The following PPM1J variants were observed in gnomAD, a reference collection of about 807,000 sequenced individuals.
PPM1J encodes protein phosphatase 1J.
In PPM1J, 43 loss-of-function variants were observed where a neutral mutation model predicts 53.3. That is an observed-to-expected ratio of 0.81 (90% CI 0.63 to 1.04). The LOEUF is 1.04. Among genes scored for constraint, PPM1J ranks in the 50% least tolerant of loss-of-function variants. The probability of loss-of-function intolerance (pLI) is 0.00; values close to 1 mark genes in which losing one functional copy is unlikely to be tolerated. For missense variants in PPM1J, 635 were observed against 685.9 expected (o/e 0.93, Z 0.83); for synonymous variants, 267 against 286.4 (o/e 0.93, Z 0.68).
intron 3 of PPM1J, 123 bp downstream of exon 3, chr1:112,712,621 G>T: frequency 8.3e-7 from 1 of 1,210,064 alleles, no homozygotes; most frequent in South Asian, 1.4e-5. Context: ...CCTCCCCTCT[G>T]AACCAAGCTC....
At chr1:112,714,510 G>A (rs1675147287) in intron 1 of PPM1J, 10 of 989,132 alleles carry the variant, frequency 1.0e-5, no homozygotes, top group Non-Finnish European at 1.2e-5. Context: ...TGGAGGGGGA[G>A]GGGAACTACG....
rs756960729 is a variant in PPM1J at position 112,712,890 on chromosome 1, G to A, written c.583C>T (p.Pro195Ser). 2 of 1,614,038 alleles carry A rather than the reference G, an allele frequency of 1.2e-6. No homozygotes were observed. The highest frequency in any genetic ancestry group is 1.7e-6 in the Non-Finnish European group (2 of 1,180,040). The change falls in exon 3 of 10, where the codon CCC becomes TCC. Residue 195 changes from proline (P) to serine (S), a missense_variant. Coordinates refer to ENST00000309276, the MANE Select transcript of PPM1J (RefSeq NM_005167.7). ...CCCGGAGTGGTTGGGAGGCAGAGGG[G>A]TGGTGGCGAAGGGTCCTGAAGTATC... ...VEILQDPSPP[P>S]LCLPTTPGTP...
At position 112,712,040 on chromosome 1, in the gene PPM1J, C is replaced by A; in HGVS notation, c.858G>T (p.Arg286=). 1 of 1,610,062 alleles carries A rather than the reference C, an allele frequency of 6.2e-7. No homozygotes were observed. Residue 286 remains arginine, a synonymous_variant, in exon 5 of 10, where the codon CGG becomes CGT. Transcript: ENST00000309276. Reference sequence around the variant, plus strand: ...GGGACATTGGAATGATTTCACCATTCCGGACAATGATGGCCCTGCCCAAAG... The same window carrying A: ...GGGACATTGGAATGATTTCACCATTACGGACAATGATGGCCCTGCCCAAAG... ...NAGDSRAIIV[R]NGEIIPMSRE...
chr1:112,711,908 T>C (rs1675072343), intron 5 of PPM1J, 63 bp downstream of exon 5: 2 of 1,179,378 alleles, frequency 1.7e-6, no homozygotes, highest in East Asian at 2.5e-5. Context: ...CTCAGGGCCA[T>C]GGGGTGCAGG....
At position 112,713,441 on chromosome 1, in the gene PPM1J, C is replaced by T. The variant is rs1215155650; in HGVS notation, c.441+56G>A. On this transcript the variant is annotated intron_variant, in intron 2 of 9. Transcript: ENST00000309276. Reference sequence around the variant, plus strand: ...CATGGCTCAGATTTAAAACCAGAGGCCTGAGTCCCTGGGGAGAGGTGTCAC... The same window carrying T: ...CATGGCTCAGATTTAAAACCAGAGGTCTGAGTCCCTGGGGAGAGGTGTCAC... 4.8e-6 allele frequency: 6 copies of T among 1,244,964 alleles called. No individual in the cohort carries two copies. The Admixed American group carries it at 1.0e-4, about 21-fold the overall frequency. The allele number at this position is 1,244,964 out of a possible 1,614,324, so 77.1% of individuals were successfully genotyped here. A position where few individuals can be genotyped will look rare whatever the true frequency, so the allele number is the denominator to read the frequency against.
In PPM1J at chr1:112,710,530, T is replaced by C. The variant is rs772751814; in HGVS notation, c.1300A>G (p.Thr434Ala). Residue 434 changes from threonine to alanine, a missense_variant, in exon 9 of 10, where the codon ACT (threonine) becomes GCT (alanine). Coordinates refer to ENST00000309276, the MANE Select transcript of PPM1J (RefSeq NM_005167.7). ...GTGGCAGCTACCTCACAGTCAGTAG[T>C]GACATCCCACAGGCCATCTGTTCCC... ...VLGTDGLWDV[T>A]TDCEVAATVD... 1 of 1,614,120 alleles carries C rather than the reference T, an allele frequency of 6.2e-7. No individual in the cohort carries two copies. The highest frequency in any genetic ancestry group is 8.5e-7 in the Non-Finnish European group (1 of 1,180,022).
At chr1:112,714,554 G>T in intron 1 of PPM1J, 2 of 999,484 alleles carry the variant, frequency 2.0e-6, no homozygotes, top group Non-Finnish European at 2.4e-6. Flanking sequence ...CGCTGGAGCC[G>T]GGAAGCGGGT....
At chr1:112,713,092 G>GTA (rs1376000422) in intron 2 of PPM1J, 61 bp from the exon 3 acceptor site, 1 of 1,397,164 alleles carries the variant, frequency 7.2e-7, no homozygotes, top group Non-Finnish European at 9.7e-7. Flanking sequence ...GTGTGTGTGT[G>GTA]TGTGTTATGC....
Position 112,710,502 on chromosome 1 carries a change from A to G in PPM1J, c.1328T>C (p.Val443Ala), listed in dbSNP as rs1675032825. Residue 443 changes from valine to alanine, a missense_variant, in exon 9 of 10, where the codon GTG (valine) becomes GCG (alanine). By Grantham distance (64) the Val-to-Ala change is moderately conservative. Transcript: ENST00000309276. ...CTCATAGGCCGACAGCACCCTGTCC[A>G]CAGTGGCAGCTACCTCACAGTCAGT... ...VTTDCEVAAT[V>A]DRVLSAYEPN... The G allele has an allele frequency of 6.2e-7, 1 of 1,614,040 alleles. No individual in the cohort carries two copies. The highest frequency in any genetic ancestry group is 1.3e-5 in the African/African-American group (1 of 74,934).
Position 112,710,284 on chromosome 1 carries a change from A to ACCAGAGCTTGGG in PPM1J, c.1385_1396dup (p.Ala462_Leu465dup). On this transcript the variant is annotated inframe_insertion, in exon 10 of 10. Coordinates refer to ENST00000309276, the MANE Select transcript of PPM1J (RefSeq NM_005167.7). The stretch of plus-strand genomic sequence containing the variant: ...TCGGGGGGTACCCCGGGCCCCCAGG[A>ACCAGAGCTTGGG]CCAGAGCTTGGGCCAGAGCTGTATA... The ACCAGAGCTTGGG allele has an allele frequency of 6.2e-7, 1 of 1,609,432 alleles. No homozygotes were observed. The highest frequency in any genetic ancestry group is 1.1e-5 in the South Asian group (1 of 90,642).
rs577540133 is a variant in PPM1J at position 112,712,124 on chromosome 1, G to A, written c.843-69C>T. 3 of 1,311,990 alleles carry A rather than the reference G, an allele frequency of 2.3e-6. No homozygotes were observed. The South Asian group carries it at 4.0e-5, about 17-fold the overall frequency. The allele number at this position is 1,311,990 out of a possible 1,614,324, so 81.3% of individuals were successfully genotyped here. On this transcript the variant is annotated intron_variant, in intron 4 of 9. Transcript: ENST00000309276. ...ACCCACTCATGAAAAATTCCAGAAAGACCAGGCCCTCTCCATAATGACCTT... is the reference window on the plus strand; with the variant it reads ...ACCCACTCATGAAAAATTCCAGAAAAACCAGGCCCTCTCCATAATGACCTT...
chr1:112,714,295 C>G, intron 1 of PPM1J: 1 of 985,722 alleles, frequency 1.0e-6, no homozygotes, highest in South Asian at 4.7e-5. Context: ...CCTCGGTGCT[C>G]TGCGTTCCCG....
intron 1 of PPM1J, 161 bp downstream of exon 1, chr1:112,714,815 G>T: frequency 7.8e-7 from 1 of 1,280,856 alleles, no homozygotes; most frequent in Non-Finnish European, 9.9e-7. Flanking sequence ...AATGGGTTGG[G>T]AGGGGGTGCG....
At chr1:112,714,488 T>C in intron 1 of PPM1J, 1 of 986,770 alleles carries the variant, frequency 1.0e-6, no homozygotes, top group Non-Finnish European at 1.2e-6. Context: ...TGTCGCGGGC[T>C]ATTTCTGGGT....
chr1:112,715,255 C>A lies in PPM1J; in HGVS notation c.47G>T (p.Gly16Val). ...TTTGGGGCGCGGAGGCGGAGCGCCC[C>A]CGGAGCTCACCAGGTGCGCCACGGC... is the stretch of plus-strand genomic sequence containing the variant. Reference protein sequence around the residue: ...RSAVAHLVSSGGAPPPRPKSP... With the variant: ...RSAVAHLVSSVGAPPPRPKSP... The change falls in exon 1 of 10, where the codon GGG becomes GTG. Residue 16 changes from glycine to valine, a missense_variant. Coordinates refer to ENST00000309276, the MANE Select transcript of PPM1J (RefSeq NM_005167.7). The surrounding 1 kb of genome is among the most constrained non-coding windows in gnomAD (Gnocchi z 4.4). The A allele has an allele frequency of 7.3e-7, 1 of 1,361,362 alleles. No individual in the cohort carries two copies. The highest frequency in any genetic ancestry group is 9.4e-7 in the Non-Finnish European group (1 of 1,065,582). The allele number at this position is 1,361,362 out of a possible 1,614,324, so 84.3% of individuals were successfully genotyped here.
At position 112,710,018 on chromosome 1, in the gene PPM1J, G is replaced by T. The variant is rs1052194197; in HGVS notation, c.*145C>A. 3.4e-6 allele frequency: 5 copies of T among 1,452,354 alleles called. No individual in the cohort carries two copies. In the East Asian group the frequency reaches 1.0e-4, roughly 29 times the overall value. The allele number at this position is 1,452,354 out of a possible 1,614,324, so 90.0% of individuals were successfully genotyped here. The stretch of plus-strand genomic sequence containing the variant: ...ACACCTTTATCCATCTCGTTTATTT[G>T]CCAATAGCTGTAATTTTGGATATAG... On this transcript the variant is annotated 3_prime_UTR_variant, in exon 10 of 10. Coordinates refer to ENST00000309276, the MANE Select transcript of PPM1J (RefSeq NM_005167.7).
At chr1:112,712,321 A>G in intron 4 of PPM1J, 24 bp downstream of exon 4, 2 of 1,557,458 alleles carry the variant, frequency 1.3e-6, no homozygotes, top group Non-Finnish European at 1.8e-6. Flanking sequence ...CTCTGTCGCC[A>G]CCTTGGAGCC....
intron 1 of PPM1J, 131 bp from the exon 2 acceptor site, chr1:112,713,742 G>T: frequency 1.3e-6 from 1 of 783,464 alleles, no homozygotes; most frequent in Non-Finnish European, 2.2e-6. Context: ...TGGGATCCAG[G>T]CCAGAGGGAG....
intron 1 of PPM1J, 117 bp downstream of exon 1, chr1:112,714,859 A>G (rs1440486630): frequency 8.3e-6 from 11 of 1,320,448 alleles, no homozygotes; most frequent in Non-Finnish European, 9.6e-6. Flanking sequence ...AGGTCCACGG[A>G]AAAGGGAGCT....
Sources: gnomAD v4.1 joint callset for allele counts on GRCh38, gnomAD v4.1.1 for gene constraint, Gnocchi (gnomAD v3.1) non-coding constraint, MANE v1.5 for transcripts, NCBI Gene and HGNC (gene_info 2026-07-23, HGNC 2026-07-21) for gene names.